Variants in ENPEP observed in about 807,000 individuals in gnomAD.
ENPEP encodes AP-A.
Under a neutral mutation model 114.5 loss-of-function variants are expected in ENPEP, and 103 were observed. The ratio of observed to expected loss-of-function variants is 0.90; its 90% CI spans 0.77 to 1.06. The LOEUF (loss-of-function observed/expected upper bound fraction) is 1.06, where lower values mean the gene tolerates loss of function less well. Ranked by LOEUF, ENPEP falls within the 50% of genes least tolerant of loss-of-function variation. ENPEP has a pLI of 0.00. For missense variants in ENPEP, 1,196 were observed against 1,161.3 expected, an observed-to-expected ratio of 1.03 and a Z score of -0.43; for synonymous variants, 420 against 422.0, an observed-to-expected ratio of 1.00 and a Z score of 0.06.
At chr4:110,529,070 A>G (rs1362633385) in intron 10 of ENPEP, among the ~76,000 whole-genome samples, 1 of 152,164 alleles carries the variant, frequency 6.6e-6, no homozygotes, top group African/African-American at 2.4e-5. Context: ...TCAGAGCAGT[A>G]TTTTTGTACA....
intron 10 of ENPEP, among the ~76,000 whole-genome samples, chr4:110,528,513 T>C (rs1473983707): frequency 6.6e-6 from 1 of 152,224 alleles, no homozygotes; most frequent in Non-Finnish European, 1.5e-5. Context: ...TCTATAAATA[T>C]TTTCTCACTG....
At chr4:110,488,128 T>C (rs1485774650) in intron 1 of ENPEP, among the ~76,000 whole-genome samples, 1 of 152,220 alleles carries the variant, frequency 6.6e-6, no homozygotes, top group African/African-American at 2.4e-5. Flanking sequence ...TAAGGGCAGT[T>C]AGACACAAGC....
At chr4:110,561,116 G>A (rs1159280576) in intron 19 of ENPEP, among the ~76,000 whole-genome samples, 2 of 152,134 alleles carry the variant, frequency 1.3e-5, no homozygotes, top group African/African-American at 4.8e-5. Flanking sequence ...AATAGAGAAA[G>A]CAGCAGAAAC....
intron 1 of ENPEP, among the ~76,000 whole-genome samples, chr4:110,481,448 T>G (rs190723722): frequency 0.01 from 1,556 of 152,210 alleles, 26 homozygotes; most frequent in African/African-American, 0.035. Flanking sequence ...GATTCTTCTG[T>G]GGGGTTCCTA....
chr4:110,520,948 G>GA (rs1725964310), intron 10 of ENPEP, among the ~76,000 whole-genome samples: 2 of 152,180 alleles, frequency 1.3e-5, no homozygotes, highest in Admixed American at 1.3e-4. Flanking sequence ...ATGGCTCCAG[G>GA]AAAAAATACA....
At chr4:110,532,969 C>T (rs1281759405) in intron 11 of ENPEP, 2 of 264,882 alleles carry the variant, frequency 7.6e-6, no homozygotes, top group Middle Eastern at 4.5e-4. Context: ...AAGACATTTT[C>T]AACAATGTGT....
At chr4:110,501,730 A>G (rs1338639036) in intron 3 of ENPEP, among the ~76,000 whole-genome samples, 2 of 152,190 alleles carry the variant, frequency 1.3e-5, no homozygotes, top group African/African-American at 4.8e-5. Context: ...TACTGTGAAT[A>G]GTGCTGTGAT....
At chr4:110,523,024 C>T (rs957337721) in intron 10 of ENPEP, among the ~76,000 whole-genome samples, 3 of 152,056 alleles carry the variant, frequency 2.0e-5, no homozygotes, top group African/African-American at 7.2e-5. Flanking sequence ...AGGAAATGCT[C>T]AGGGTGCTGT....
Position 110,510,292 on chromosome 4 carries a change from A to G in ENPEP, c.1242A>G (p.Leu414=). 6.2e-7 allele frequency: 1 copy of G among 1,614,210 alleles called. No individual in the cohort carries two copies. Among genetic ancestry groups the G allele is most frequent in the Middle Eastern group, 1.6e-4 (1 of 6,062 alleles). ...TGGACTGGTGGGAAGACTTGTGGCT[A>G]AATGAAGGATTTGCTTCTTTCTTTG... The part of the protein sequence containing the change: ...VTMDWWEDLW[L]NEGFASFFEF... The change falls in exon 6 of 20, where the codon CTA becomes CTG. Residue 414 remains leucine (L), a synonymous_variant. Coordinates refer to ENST00000265162, the MANE Select transcript of ENPEP (RefSeq NM_001977.4).
Position 110,561,927 on chromosome 4 carries a change from T to C in ENPEP, c.*369T>C, listed in dbSNP as rs1025699972. ...TCAGTACCAAAGAAACACCACTTAA[T>C]CTTCTCTCTTGATTGATTTTTAAAG... On this transcript the variant is annotated 3_prime_UTR_variant, in exon 20 of 20. Coordinates refer to ENST00000265162, the MANE Select transcript of ENPEP (RefSeq NM_001977.4). The C allele has an allele frequency of 6.1e-6, 1 of 163,828 alleles. No homozygotes were observed. Among genetic ancestry groups the C allele is most frequent in the African/African-American group, 2.4e-5 (1 of 41,608 alleles). 10.1% of individuals were successfully genotyped at this position (163,828 alleles called of 1,614,324 possible).
At chr4:110,499,557 T>C (rs1004428820) in intron 3 of ENPEP, among the ~76,000 whole-genome samples, 7 of 152,222 alleles carry the variant, frequency 4.6e-5, no homozygotes, top group Non-Finnish European at 1.0e-4. Context: ...ATGTTGGAAT[T>C]CAGAAATTTT....
At chr4:110,532,708 C>T (rs1360384777) in intron 11 of ENPEP, among the ~76,000 whole-genome samples, 1 of 152,088 alleles carries the variant, frequency 6.6e-6, no homozygotes, top group East Asian at 1.9e-4. Context: ...GAGGTGAAAT[C>T]CTTCTGAAGC....
At chr4:110,525,654 GA>G (rs558027624) in intron 10 of ENPEP, among the ~76,000 whole-genome samples, 1 of 129,536 alleles carries the variant, frequency 7.7e-6, no homozygotes, top group African/African-American at 2.6e-5. Context: ...AGATGTTTTA[GA>G]AAGTCTTTAA....
At position 110,506,731 on chromosome 4, in the gene ENPEP, C is replaced by T. The variant is rs772467810; in HGVS notation, c.1013C>T (p.Ala338Val). The change falls in exon 4 of 20, where the codon GCT becomes GTT. Residue 338 changes from alanine (A) to valine (V), a missense_variant. Physicochemically the swap from Ala to Val is moderately conservative, Grantham distance 64. Coordinates refer to ENST00000265162, the MANE Select transcript of ENPEP (RefSeq NM_001977.4). ...SVFDYFEEYF[A>V]MNYSLPKLDK... ...TTTGATTATTTTGAAGAATACTTTG[C>T]TATGAATTATTCTCTTCCTAAATTA... 2.4e-5 allele frequency: 38 copies of T among 1,594,282 alleles called. 1 individual carries two copies. The Middle Eastern group carries it at 5.0e-4, about 21-fold the overall frequency.
chr4:110,553,350 A>G lies in ENPEP; in HGVS notation c.2537A>G (p.Lys846Arg). ...TTGCTCAAGGACACGAACCTTATTA[A>G]AACTCAGGATGTGTTTACAGTCATT... ...LDLLKDTNLI[K>R]TQDVFTVIRY... The change falls in exon 18 of 20, where the codon AAA (lysine) becomes AGA (arginine). Residue 846 changes from lysine (K) to arginine (R), a missense_variant. By Grantham distance (26) the Lys-to-Arg change is conservative. Transcript: ENST00000265162. 6.2e-7 allele frequency: 1 copy of G among 1,605,642 alleles called. No homozygotes were observed. Among genetic ancestry groups the G allele is most frequent in the Non-Finnish European group, 8.5e-7 (1 of 1,174,560 alleles).
chr4:110,515,898 G>A (rs1351507977), intron 8 of ENPEP: 1 of 439,126 alleles, frequency 2.3e-6, no homozygotes, highest in African/African-American at 2.0e-5. Context: ...GAGAGAGAGA[G>A]GGAGAGAGAG....
At chr4:110,546,036 C>G (rs78245217) in intron 13 of ENPEP, among the ~76,000 whole-genome samples, 2,846 of 152,106 alleles carry the variant, frequency 0.019, 39 homozygotes, top group Non-Finnish European at 0.028. Context: ...CTTAATTAGA[C>G]AGAAAAACAT....
intron 11 of ENPEP, among the ~76,000 whole-genome samples, chr4:110,534,499 T>TC (rs1415986598): frequency 1.5e-3 from 106 of 68,436 alleles, no homozygotes; most frequent in African/African-American, 5.5e-3. Flanking sequence ...CTCTTTTCGT[T>TC]GTTTCTTTTT....
chr4:110,532,507 G>A (rs532654538), intron 11 of ENPEP, among the ~76,000 whole-genome samples: 36 of 152,070 alleles, frequency 2.4e-4, no homozygotes, highest in African/African-American at 8.7e-4. Flanking sequence ...TTTATCAGTT[G>A]ATAGATATTT....
Sources: allele counts gnomAD v4.1 joint callset (sites outside exome capture counted in the v4.1 genomes callset), GRCh38; gene constraint gnomAD v4.1.1; transcripts MANE v1.5; gene names NCBI Gene and HGNC (gene_info 2026-07-23, HGNC 2026-07-21).